The following MRAP variants were observed in gnomAD, a reference collection of about 807,000 sequenced individuals.
The protein encoded by MRAP is melanocortin-2 receptor accessory protein.
A neutral mutation model predicts 8.7 loss-of-function variants in MRAP; 8 were observed. That is an observed-to-expected ratio of 0.92 (90% CI 0.54 to 1.66). The LOEUF (loss-of-function observed/expected upper bound fraction) is 1.66. Among genes scored for constraint, MRAP ranks in the 40% most tolerant of loss-of-function variants. The pLI, the probability that MRAP is intolerant of heterozygous loss-of-function variation, is 0.00. For synonymous variants in MRAP, 95 were observed against 95.5 expected (o/e 1.00, Z 0.03); for missense variants, 237 against 217.1 (o/e 1.09, Z -0.58).
intron 2 of MRAP, among the ~76,000 whole-genome samples, chr21:32,310,053 T>C (rs1483910163): frequency 1.3e-5 from 2 of 152,184 alleles, no homozygotes; most frequent in Non-Finnish European, 2.9e-5. Context: ...TCTTCTGAGA[T>C]GACCTGCAGC....
intron 1 of MRAP, among the ~76,000 whole-genome samples, chr21:32,305,977 C>T (rs1282318255): frequency 6.6e-6 from 1 of 152,160 alleles, no homozygotes; most frequent in Non-Finnish European, 1.5e-5. Context: ...AGCCTCAGGC[C>T]ACAAATACAG....
At chr21:32,306,490 G>A in intron 1 of MRAP, 150 bp from the exon 2 acceptor site, 6 of 707,170 alleles carry the variant, frequency 8.5e-6, no homozygotes, top group Non-Finnish European at 1.5e-5. Context: ...TTGTTAATGG[G>A]AGATCTTCCC....
intron 2 of MRAP, among the ~76,000 whole-genome samples, chr21:32,310,631 G>T (rs2032537707): frequency 1.3e-5 from 2 of 152,048 alleles, no homozygotes; most frequent in Non-Finnish European, 2.9e-5. Context: ...TCCACCCAGG[G>T]AGGACACATT....
chr21:32,304,873 T>A (rs2032370379), intron 1 of MRAP, among the ~76,000 whole-genome samples: 1 of 151,872 alleles, frequency 6.6e-6, no homozygotes, highest in Admixed American at 6.6e-5. Context: ...AAGTTGCTGA[T>A]GAATTACAAG....
At chr21:32,293,587 G>A (rs58718746) in intron 2 of MRAP, among the ~76,000 whole-genome samples, 4,826 of 152,134 alleles carry the variant, frequency 0.032, 261 homozygotes, top group African/African-American at 0.11. Flanking sequence ...CCAGGTCATC[G>A]TTCAATAAAC....
At chr21:32,309,951 TCA>T (rs972277394) in intron 2 of MRAP, among the ~76,000 whole-genome samples, 2 of 151,996 alleles carry the variant, frequency 1.3e-5, no homozygotes, top group Non-Finnish European at 2.9e-5. Context: ...TTCTTTTCTT[TCA>T]GTTTTTAGAA....
At chr21:32,295,612 A>G (rs1452382203), upstream of MRAP, among the ~76,000 whole-genome samples, 1 of 152,124 alleles carries the variant, frequency 6.6e-6, no homozygotes, top group Non-Finnish European at 1.5e-5. Context: ...ATACCTGACT[A>G]GCTACCCATT....
At chr21:32,296,580 A>G (rs8128242), upstream of MRAP, among the ~76,000 whole-genome samples, 66,130 of 151,986 alleles carry the variant, frequency 0.44, 14,725 homozygotes, top group East Asian at 0.53. Context: ...TAGAGGGCAC[A>G]GCCTACCACA....
intron 1 of MRAP, among the ~76,000 whole-genome samples, chr21:32,305,293 T>C (rs1207723422): frequency 6.6e-6 from 1 of 152,134 alleles, no homozygotes. Flanking sequence ...CTGTTTTTAA[T>C]GTTACATTTT....
In MRAP at chr21:32,310,791, C is replaced by T. The variant is rs541363440; in HGVS notation, c.207-893C>T. ...CCTCCTGAGTAGCTGGGATTACAGGCGCCCACCACCACACCCAGCTAATTT... is the reference window on the plus strand; with the variant it reads ...CCTCCTGAGTAGCTGGGATTACAGGTGCCCACCACCACACCCAGCTAATTT... On this transcript the variant is annotated intron_variant, in intron 2 of 2. Transcript: ENST00000303645. 1.6e-4 allele frequency among the ~76,000 whole-genome samples: 25 copies of T among 152,048 alleles called. No individual in the cohort carries two copies. In the South Asian group the frequency reaches 3.1e-3, roughly 19 times the overall value.
chr21:32,314,617 T>A, downstream of MRAP: 1 of 1,614,248 alleles, frequency 6.2e-7, no homozygotes, highest in Non-Finnish European at 8.5e-7. Context: ...TTTCCTGTGA[T>A]GAGCTCCAAG....
downstream of MRAP, chr21:32,312,321 C>A: frequency 2.3e-6 from 3 of 1,277,640 alleles, no homozygotes; most frequent in Non-Finnish European, 3.0e-6. Context: ...TACTATGCCA[C>A]TTTACCATTA....
Position 32,299,063 on chromosome 21 carries a change from T to A in MRAP, c.92T>A (p.Leu31Gln). Residue 31 changes from leucine (L) to glutamine (Q), a missense_variant, in exon 1 of 3, where the codon CTG (leucine) becomes CAG (glutamine). Coordinates refer to ENST00000303645, the MANE Select transcript of MRAP (RefSeq NM_001379228.1). The stretch of plus-strand genomic sequence containing the variant: ...CTCATTCCCGTGGACGAGAAGAAGC[T>A]GAAAGCCCACAAACGTAAGTCTGAA... ...LDLIPVDEKK[L>Q]KAHKHSIVIA... 1 of 1,613,930 alleles carries A rather than the reference T, an allele frequency of 6.2e-7. No homozygotes were observed. Among genetic ancestry groups the A allele is most frequent in the East Asian group, 2.2e-5 (1 of 44,876 alleles).
intron 1 of MRAP, among the ~76,000 whole-genome samples, chr21:32,300,814 CGTCATGTGTCCTATGTCGGATAT>C (rs1486720328): frequency 7.0e-6 from 1 of 142,410 alleles, no homozygotes; most frequent in Non-Finnish European, 1.5e-5. Flanking sequence ...ATGTCAGGGG[CGTCATGTGTCCTATGTCGGATAT>C]GTCATGCGCC....
intron 2 of MRAP, among the ~76,000 whole-genome samples, chr21:32,307,526 G>A (rs1348392259): frequency 1.3e-5 from 2 of 150,056 alleles, no homozygotes; most frequent in Admixed American, 6.7e-5. Context: ...GCAGTGAGCC[G>A]AGACTGTGCC....
chr21:32,302,060 C>G (rs979633031), intron 1 of MRAP, among the ~76,000 whole-genome samples: 3 of 152,264 alleles, frequency 2.0e-5, no homozygotes. Flanking sequence ...AAGGTAGCAC[C>G]AGGGGCAGGT....
chr21:32,300,617 G>A (rs75310940), intron 1 of MRAP, among the ~76,000 whole-genome samples: 2,750 of 99,366 alleles, frequency 0.028, 43 homozygotes, highest in Middle Eastern at 0.058. Context: ...TATGTCACGC[G>A]TCGTATGTCA....
chr21:32,297,505 G>A (rs568745734), upstream of MRAP, among the ~76,000 whole-genome samples: 41 of 152,278 alleles, frequency 2.7e-4, no homozygotes, highest in Admixed American at 1.2e-3. Context: ...AAAAATCCGT[G>A]CCCTTTCCCA....
chr21:32,294,160 G>A (rs1449066474), upstream of MRAP, among the ~76,000 whole-genome samples: 1 of 152,146 alleles, frequency 6.6e-6, no homozygotes, highest in Non-Finnish European at 1.5e-5. Context: ...AGTTGCCCAG[G>A]CTGGAGTGCA....
Sources: allele counts gnomAD v4.1 joint callset (sites outside exome capture counted in the v4.1 genomes callset), GRCh38; gene constraint gnomAD v4.1.1; transcripts MANE v1.5; gene names NCBI Gene and HGNC (gene_info 2026-07-23, HGNC 2026-07-21).